The following CNTN4 variants were observed in gnomAD, a reference collection of about 807,000 sequenced individuals.
The protein encoded by CNTN4 is contactin 4.
In CNTN4, 77 loss-of-function variants were observed where a neutral mutation model predicts 122.5. The ratio of observed to expected loss-of-function variants is 0.63; its 90% confidence interval spans 0.52 to 0.76. CNTN4 has a LOEUF of 0.76. Ranked by LOEUF, CNTN4 falls within the 30% of genes least tolerant of loss-of-function variation. CNTN4 has a pLI of 0.00. For synonymous variants in CNTN4, 512 were observed against 447.0 expected, an observed-to-expected ratio of 1.15 and a Z score of -1.83; for missense variants, 1,256 against 1,259.1, an observed-to-expected ratio of 1.00 and a Z score of 0.04.
chr3:2,208,032 C>T lies in CNTN4; in HGVS notation c.-145+107393C>T, dbSNP rs1051561377. ...GACAAGATTGATATTATCTCCTTGC[C>T]TGTTAACATAATATCCTTTCTGCAG... On this transcript the variant is annotated intron_variant, in intron 2 of 24. Coordinates refer to ENST00000418658, the MANE Select transcript of CNTN4 (RefSeq NM_175607.3). Among the ~76,000 whole-genome samples the T allele has an allele frequency of 2.0e-4, 31 of 152,128 alleles. 1 individual carries two copies. The highest frequency in any genetic ancestry group is 7.0e-4 in the African/African-American group (29 of 41,460).
intron 10 of CNTN4, among the ~76,000 whole-genome samples, chr3:2,889,789 A>G (rs1366218116): frequency 6.6e-6 from 1 of 152,176 alleles, no homozygotes; most frequent in African/African-American, 2.4e-5. Flanking sequence ...TTAAACTGGT[A>G]TGAAATTTTC....
intron 4 of CNTN4, among the ~76,000 whole-genome samples, chr3:2,731,934 A>G (rs769911433): frequency 1.3e-5 from 2 of 152,160 alleles, no homozygotes; most frequent in Admixed American, 6.5e-5. Flanking sequence ...GTGTCTCACA[A>G]TTAGCTTCTG....
chr3:2,880,384 T>C (rs1240490410), intron 8 of CNTN4, among the ~76,000 whole-genome samples: 1 of 152,228 alleles, frequency 6.6e-6, no homozygotes. Context: ...TAATTAACAC[T>C]GCTCTCAGAG....
intron 3 of CNTN4, among the ~76,000 whole-genome samples, chr3:2,430,669 G>C (rs923265134): frequency 6.6e-6 from 1 of 150,764 alleles, no homozygotes; most frequent in African/African-American, 2.4e-5. Flanking sequence ...CCCAGCTAGA[G>C]GTGCATTATA....
intron 3 of CNTN4, among the ~76,000 whole-genome samples, chr3:2,442,337 G>A (rs1258032953): frequency 6.6e-6 from 1 of 152,040 alleles, no homozygotes; most frequent in East Asian, 1.9e-4. Flanking sequence ...CATTATTATG[G>A]GAACTGTAAA....
intron 4 of CNTN4, among the ~76,000 whole-genome samples, chr3:2,678,501 C>G (rs1576433935): frequency 6.6e-6 from 1 of 152,274 alleles, no homozygotes; most frequent in African/African-American, 2.4e-5. Flanking sequence ...GGCTCCTACT[C>G]TATGGCGGTG....
intron 4 of CNTN4, among the ~76,000 whole-genome samples, chr3:2,592,795 C>A (rs1339544620): frequency 6.6e-6 from 1 of 152,158 alleles, no homozygotes; most frequent in Non-Finnish European, 1.5e-5. Flanking sequence ...CTGGAGTGTT[C>A]TATTCATGGG....
In CNTN4 at chr3:2,840,699, C is replaced by A. The variant is rs551841728; in HGVS notation, c.454+21118C>A. On this transcript the variant is annotated intron_variant, in intron 7 of 24. Coordinates refer to ENST00000418658, the MANE Select transcript of CNTN4 (RefSeq NM_175607.3). The stretch of plus-strand genomic sequence containing the variant: ...GGGCGACAGAGCGACACTCCGTCTC[C>A]AAAAAATAAAAAATAAAAATAAAAA... Among the ~76,000 whole-genome samples, 265 of 150,568 alleles carry A rather than the reference C, an allele frequency of 1.8e-3. 1 individual carries two copies. Among genetic ancestry groups the A allele is most frequent in the East Asian group, 0.014 (71 of 5,122 alleles).
intron 3 of CNTN4, among the ~76,000 whole-genome samples, chr3:2,354,963 A>T (rs373655494): frequency 6.6e-6 from 1 of 152,238 alleles, no homozygotes; most frequent in Non-Finnish European, 1.5e-5. Flanking sequence ...GTCAGATTAC[A>T]TCCAGGAGTT....
At chr3:2,844,484 G>A (rs1023161624) in intron 7 of CNTN4, among the ~76,000 whole-genome samples, 1 of 152,162 alleles carries the variant, frequency 6.6e-6, no homozygotes, top group Admixed American at 6.5e-5. Context: ...TCACTCAGCT[G>A]TTCCGGTAAG....
At chr3:2,474,800 A>AT (rs1340933180) in intron 3 of CNTN4, among the ~76,000 whole-genome samples, 1 of 152,192 alleles carries the variant, frequency 6.6e-6, no homozygotes, top group African/African-American at 2.4e-5. Context: ...TTGAATCCAT[A>AT]TCTCAGGTAG....
At chr3:2,464,748 T>TAG (rs1344863225) in intron 3 of CNTN4, among the ~76,000 whole-genome samples, 2 of 152,250 alleles carry the variant, frequency 1.3e-5, no homozygotes, top group Non-Finnish European at 2.9e-5. Flanking sequence ...AACTCTGCCC[T>TAG]AGAGGAAAAT....
At chr3:3,042,268 T>C in intron 20 of CNTN4, 42 bp from the exon 21 acceptor site, 1 of 1,320,850 alleles carries the variant, frequency 7.6e-7, no homozygotes, top group Non-Finnish European at 1.1e-6. Context: ...CCTGTCCTAA[T>C]ATAGCTGATA....
At chr3:2,739,670 A>C (rs9870958) in intron 5 of CNTN4, among the ~76,000 whole-genome samples, 15,393 of 152,254 alleles carry the variant, frequency 0.1, 2,564 homozygotes, top group African/African-American at 0.35. Flanking sequence ...TTAAATTAAC[A>C]TAAAGCAGAT....
intron 3 of CNTN4, among the ~76,000 whole-genome samples, chr3:2,568,868 A>C (rs1356946587): frequency 6.6e-6 from 1 of 152,226 alleles, no homozygotes; most frequent in Non-Finnish European, 1.5e-5. Flanking sequence ...TCATGAACTA[A>C]ATCTTTATCA....
At chr3:2,526,023 A>G (rs1004580157) in intron 3 of CNTN4, among the ~76,000 whole-genome samples, 1 of 152,154 alleles carries the variant, frequency 6.6e-6, no homozygotes, top group Non-Finnish European at 1.5e-5. Flanking sequence ...AATCAGGGAC[A>G]GCACAAGACA....
chr3:2,462,167 A>T (rs1418056076), intron 3 of CNTN4, among the ~76,000 whole-genome samples: 4 of 152,222 alleles, frequency 2.6e-5, no homozygotes, highest in Admixed American at 6.5e-5. Flanking sequence ...GTTATAACAC[A>T]CCATCAGTGG....
At chr3:2,907,410 TAAAA>T (rs2094248073) in intron 12 of CNTN4, among the ~76,000 whole-genome samples, 1 of 151,980 alleles carries the variant, frequency 6.6e-6, no homozygotes, top group African/African-American at 2.4e-5. Context: ...CCATCTCTAC[TAAAA>T]ATACAAAAAT....
At chr3:2,543,940 C>T (rs915610207) in intron 3 of CNTN4, among the ~76,000 whole-genome samples, 2 of 152,036 alleles carry the variant, frequency 1.3e-5, no homozygotes, top group Non-Finnish European at 2.9e-5. Context: ...GGTAAGGAAG[C>T]GACAAGCCTC....
Sources: gnomAD v4.1 joint callset for allele counts (sites outside exome capture counted in the v4.1 genomes callset) on GRCh38, gnomAD v4.1.1 for gene constraint, MANE v1.5 for transcripts, NCBI Gene and HGNC (gene_info 2026-07-23, HGNC 2026-07-21) for gene names.